Variants in CAMTA1 observed in about 807,000 individuals in gnomAD.
CAMTA1 encodes the protein calmodulin-binding transcription activator 1.
Under a neutral mutation model 170.9 loss-of-function variants are expected in CAMTA1, and 27 were observed. The ratio of observed to expected loss-of-function variants is 0.16; its 90% CI spans 0.12 to 0.22. CAMTA1 has a LOEUF of 0.22. Ranked by LOEUF, CAMTA1 falls within the 10% of genes least tolerant of loss-of-function variation. CAMTA1 has a pLI of 1.00. For synonymous variants in CAMTA1, 833 were observed against 891.5 expected, an observed-to-expected ratio of 0.93 and a Z score of 1.17; for missense variants, 1,619 against 2,217.2, an observed-to-expected ratio of 0.73 and a Z score of 5.42.
In CAMTA1 at chr1:6,905,188, CTTTTTTTTTT is replaced by C. The variant is rs34960802; in HGVS notation, c.234+79991_234+80000del. ...ATTCCTGGGTCTCCTTGCCTTGTTC[CTTTTTTTTTT>C]TTTTTTTTTTTTGAGACGGTGTTTT... is the stretch of plus-strand genomic sequence containing the variant. On this transcript the variant is annotated intron_variant, in intron 3 of 22. Coordinates refer to ENST00000303635, the MANE Select transcript of CAMTA1 (RefSeq NM_015215.4). 3.4e-3 allele frequency among the ~76,000 whole-genome samples: 373 copies of C among 109,910 alleles called. 1 individual carries two copies. The highest frequency in any genetic ancestry group is 0.014 in the African/African-American group (355 of 25,894). 72.1% of individuals were successfully genotyped at this position (109,910 alleles called of 152,430 possible).
chr1:7,570,699 GCA>G lies in CAMTA1; in HGVS notation c.511-69698_511-69697del, dbSNP rs1236380462. The stretch of plus-strand genomic sequence containing the variant: ...GTCCTGTCAGCCTCCTGCTGTGTCA[GCA>G]CAGACCCTGCCTGGGACCCCTGCTT... On this transcript the variant is annotated intron_variant, in intron 6 of 22. Coordinates refer to ENST00000303635, the MANE Select transcript of CAMTA1 (RefSeq NM_015215.4). This position sits in a 1 kb window ranked among gnomAD's most constrained non-coding sequence, Gnocchi z 4.3. Among the ~76,000 whole-genome samples the G allele has an allele frequency of 2.0e-5, 3 of 152,238 alleles. No homozygotes were observed. The highest frequency in any genetic ancestry group is 4.4e-5 in the Non-Finnish European group (3 of 68,044).
At chr1:6,873,686 T>TAA (rs2149006641) in intron 3 of CAMTA1, among the ~76,000 whole-genome samples, 1 of 152,394 alleles carries the variant, frequency 6.6e-6, no homozygotes, top group Non-Finnish European at 1.5e-5. Flanking sequence ...TTAGATTTTC[T>TAA]TTAAAGTTTT....
chr1:6,922,216 G>T (rs1682168414), intron 3 of CAMTA1, among the ~76,000 whole-genome samples: 1 of 151,986 alleles, frequency 6.6e-6, no homozygotes. Flanking sequence ...GGGTCCCCAG[G>T]CCTCTAGTTT....
At chr1:7,556,806 G>T (rs17031111) in intron 6 of CAMTA1, among the ~76,000 whole-genome samples, 45,863 of 151,860 alleles carry the variant, frequency 0.3, 9,318 homozygotes, top group East Asian at 0.6. Flanking sequence ...CTCTGTGGTG[G>T]GAATTTTGGA....
intron 3 of CAMTA1, among the ~76,000 whole-genome samples, chr1:6,975,927 T>G (rs1161813711): frequency 6.6e-6 from 1 of 152,166 alleles, no homozygotes; most frequent in Non-Finnish European, 1.5e-5. Context: ...GGTAACCGCC[T>G]TCTTTCACTC....
Position 7,144,844 on chromosome 1 carries a change from A to C in CAMTA1, c.302+53473A>C, listed in dbSNP as rs1455745503. ...GAGAATGTTCCCTATAATTTGAACAACCCTAAGAATTCAACTTTAAGCTGG... is the reference window on the plus strand; with the variant it reads ...GAGAATGTTCCCTATAATTTGAACACCCCTAAGAATTCAACTTTAAGCTGG... On this transcript the variant is annotated intron_variant, in intron 4 of 22. Transcript: ENST00000303635. This position sits in a 1 kb window ranked among gnomAD's most constrained non-coding sequence, Gnocchi z 4.0. 6.6e-6 allele frequency among the ~76,000 whole-genome samples: 1 copy of C among 152,198 alleles called. No individual in the cohort carries two copies. Among genetic ancestry groups the C allele is most frequent in the Non-Finnish European group, 1.5e-5 (1 of 68,030 alleles).
At chr1:6,879,965 T>A (rs1333590172) in intron 3 of CAMTA1, among the ~76,000 whole-genome samples, 1 of 152,034 alleles carries the variant, frequency 6.6e-6, no homozygotes, top group Non-Finnish European at 1.5e-5. Flanking sequence ...CACTTGTTAC[T>A]CAGAACGGCA....
intron 1 of CAMTA1, among the ~76,000 whole-genome samples, chr1:6,815,016 A>G (rs1645619356): frequency 6.6e-6 from 1 of 152,196 alleles, no homozygotes; most frequent in African/African-American, 2.4e-5. Context: ...CCATGGCTTC[A>G]AAGAGTTTCT....
chr1:7,425,142 C>G (rs1303049458), intron 5 of CAMTA1, among the ~76,000 whole-genome samples: 1 of 152,306 alleles, frequency 6.6e-6, no homozygotes, highest in Admixed American at 6.5e-5. Flanking sequence ...ACTATTCTCA[C>G]GTTTGTAAGG....
At chr1:6,910,124 T>C (rs896553803) in intron 3 of CAMTA1, among the ~76,000 whole-genome samples, 8 of 152,274 alleles carry the variant, frequency 5.3e-5, no homozygotes, top group Non-Finnish European at 1.0e-4. Context: ...AGCCACTTGC[T>C]GTCCTCTTGG....
chr1:7,073,636 G>GA (rs1304078486), intron 3 of CAMTA1, among the ~76,000 whole-genome samples: 5 of 152,230 alleles, frequency 3.3e-5, no homozygotes, highest in Admixed American at 3.3e-4. Flanking sequence ...TTTCAATGAG[G>GA]AGAGAGGGTT....
intron 6 of CAMTA1, among the ~76,000 whole-genome samples, chr1:7,636,641 A>G (rs2095714405): frequency 2.6e-5 from 4 of 151,932 alleles, no homozygotes; most frequent in African/African-American, 7.3e-5. Context: ...CTCAGGAGGC[A>G]GAGGTTGCAG....
intron 4 of CAMTA1, among the ~76,000 whole-genome samples, chr1:7,201,368 A>T (rs889026028): frequency 6.6e-5 from 10 of 151,858 alleles, no homozygotes; most frequent in African/African-American, 2.4e-4. Context: ...GTGTAGACAT[A>T]TTTTTTTTCA....
chr1:7,761,302 C>T (rs1213764178), intron 22 of CAMTA1, among the ~76,000 whole-genome samples: 1 of 152,234 alleles, frequency 6.6e-6, no homozygotes, highest in African/African-American at 2.4e-5. Context: ...CCGCACAGCT[C>T]TCCTGAGGGC....
chr1:7,082,410 C>A (rs934820050), intron 3 of CAMTA1, among the ~76,000 whole-genome samples: 1 of 151,770 alleles, frequency 6.6e-6, no homozygotes, highest in African/African-American at 2.4e-5. Context: ...TGCCTTCCAG[C>A]CCAGGTGACG....
intron 3 of CAMTA1, among the ~76,000 whole-genome samples, chr1:7,029,814 AG>A (rs1241762931): frequency 9.9e-5 from 15 of 152,256 alleles, no homozygotes; most frequent in Admixed American, 7.8e-4. Flanking sequence ...TTAAAATTAC[AG>A]TAATAAACTC....
rs528299778 is a variant in CAMTA1, at chr1:7,642,182, C to T, written c.664+1629C>T. Among the ~76,000 whole-genome samples the T allele has an allele frequency of 1.8e-4, 27 of 152,292 alleles. No individual in the cohort carries two copies. The highest frequency in any genetic ancestry group is 6.8e-3 in the Middle Eastern group (2 of 294). ...CCACGGGGGAGATGTCAGCTTCCCG[C>T]GCTTCATCAGGAGGGGCCTCGTGAG... is the stretch of plus-strand genomic sequence containing the variant. On this transcript the variant is annotated intron_variant, in intron 7 of 22. Coordinates refer to ENST00000303635, the MANE Select transcript of CAMTA1 (RefSeq NM_015215.4). This position sits in a 1 kb window ranked among gnomAD's most constrained non-coding sequence, Gnocchi z 6.3.
At chr1:7,392,064 T>C (rs1024312727) in intron 5 of CAMTA1, among the ~76,000 whole-genome samples, 1 of 152,186 alleles carries the variant, frequency 6.6e-6, no homozygotes, top group African/African-American at 2.4e-5. Flanking sequence ...CTGTTTAACT[T>C]AATGAGAAAC....
intron 4 of CAMTA1, among the ~76,000 whole-genome samples, chr1:7,153,711 G>A (rs1646707643): frequency 6.6e-6 from 1 of 152,192 alleles, no homozygotes; most frequent in Admixed American, 6.5e-5. Context: ...GGACATTGCA[G>A]CTGCCCTAGG....
Sources: gnomAD v4.1 joint callset for allele counts (sites outside exome capture counted in the v4.1 genomes callset) on GRCh38, gnomAD v4.1.1 for gene constraint, Gnocchi (gnomAD v3.1) non-coding constraint, MANE v1.5 for transcripts, NCBI Gene and HGNC (gene_info 2026-07-23, HGNC 2026-07-21) for gene names.